The following ADCY2 variants were observed in gnomAD, a reference collection of about 807,000 sequenced individuals.
ADCY2 encodes adenylate cyclase 2.
Under a neutral mutation model 125.2 loss-of-function variants are expected in ADCY2, and 31 were observed. That is an observed-to-expected ratio of 0.25 (90% CI 0.19 to 0.33). The LOEUF is 0.33. Ranked by LOEUF, ADCY2 falls within the 10% of genes least tolerant of loss-of-function variation. The probability of loss-of-function intolerance (pLI) is 1.00; values close to 1 mark genes in which losing one functional copy is unlikely to be tolerated. For missense variants in ADCY2, 904 were observed against 1,418.2 expected (o/e 0.64, Z 5.82); for synonymous variants, 512 against 548.4 (o/e 0.93, Z 0.93).
chr5:7,609,284 C>T (rs1004360391), intron 3 of ADCY2, among the ~76,000 whole-genome samples: 6 of 152,114 alleles, frequency 3.9e-5, no homozygotes, highest in African/African-American at 1.2e-4. Context: ...ATAGGAGAGG[C>T]GGAAAAGTAG....
chr5:7,500,551 C>T (rs749761163), intron 2 of ADCY2, among the ~76,000 whole-genome samples: 22 of 152,156 alleles, frequency 1.4e-4, no homozygotes, highest in Non-Finnish European at 2.5e-4. Context: ...GGTAGTCTTT[C>T]TCCGTCAAGC....
chr5:7,574,526 T>C (rs557804145), intron 3 of ADCY2, among the ~76,000 whole-genome samples: 1 of 152,214 alleles, frequency 6.6e-6, no homozygotes, highest in Non-Finnish European at 1.5e-5. Flanking sequence ...CTGTCACACG[T>C]ACATATAAAT....
intron 14 of ADCY2, among the ~76,000 whole-genome samples, chr5:7,728,089 T>G (rs1207001865): frequency 6.6e-6 from 1 of 152,236 alleles, no homozygotes; most frequent in Non-Finnish European, 1.5e-5. Context: ...TAACCTATTT[T>G]GTTAAGGTCA....
At chr5:7,766,919 T>G in intron 17 of ADCY2, 113 bp downstream of exon 17, 1 of 1,325,558 alleles carries the variant, frequency 7.5e-7, no homozygotes. Context: ...TCCTCTCTGG[T>G]ATCAATCCCT....
intron 19 of ADCY2, 76 bp downstream of exon 19, chr5:7,784,525 T>C (rs1744025186): frequency 9.3e-7 from 1 of 1,072,872 alleles, no homozygotes; most frequent in Non-Finnish European, 1.4e-6. Context: ...CTGTGCATTG[T>C]AGTTAATCTT....
intron 10 of ADCY2, 72 bp from the exon 11 acceptor site, chr5:7,712,784 T>A: frequency 9.7e-7 from 1 of 1,030,652 alleles, no homozygotes; most frequent in South Asian, 1.3e-5. Flanking sequence ...GAAATATGTT[T>A]CACCTAATTA....
chr5:7,465,932 T>C (rs1194467164), intron 2 of ADCY2, among the ~76,000 whole-genome samples: 1 of 152,196 alleles, frequency 6.6e-6, no homozygotes, highest in Non-Finnish European at 1.5e-5. Flanking sequence ...ATCCTAGACA[T>C]CTAGACATTC....
chr5:7,752,624 T>G (rs1487469201), intron 15 of ADCY2, among the ~76,000 whole-genome samples: 1 of 151,934 alleles, frequency 6.6e-6, no homozygotes, highest in East Asian at 1.9e-4. Flanking sequence ...GAATTAATTT[T>G]AGAGTGAAAA....
Position 7,691,066 on chromosome 5 carries a change from G to A in ADCY2, c.869+227G>A, listed in dbSNP as rs567413274. The A allele has an allele frequency of 2.8e-3, 1,062 of 374,320 alleles. 4 individuals carry two copies. The highest frequency in any genetic ancestry group is 4.0e-3 in the Non-Finnish European group (885 of 219,250). The allele number at this position is 374,320 out of a possible 1,614,324, so 23.2% of individuals were successfully genotyped here. A position where few individuals can be genotyped will look rare whatever the true frequency, so the allele number is the denominator to read the frequency against. On this transcript the variant is annotated intron_variant, in intron 5 of 24. Coordinates refer to ENST00000338316, the MANE Select transcript of ADCY2 (RefSeq NM_020546.3). ...GCTGTTTGCTGTGTTGGATTGAGTT[G>A]TCCTTCATAGCCCTGGCTTCTGTAG...
intron 4 of ADCY2, among the ~76,000 whole-genome samples, chr5:7,673,270 AT>A (rs1261944536): frequency 4.2e-3 from 25 of 5,962 alleles, no homozygotes; most frequent in Non-Finnish European, 5.6e-3. Context: ...AAAAAAAAAA[AT>A]ATATATATAT....
intron 2 of ADCY2, among the ~76,000 whole-genome samples, chr5:7,479,580 GT>G (rs1408883214): frequency 6.6e-6 from 1 of 151,576 alleles, no homozygotes; most frequent in Admixed American, 6.6e-5. Context: ...TATCTTTTGT[GT>G]TACAAACAAT....
At chr5:7,655,881 C>T (rs964021454) in intron 4 of ADCY2, among the ~76,000 whole-genome samples, 1 of 152,126 alleles carries the variant, frequency 6.6e-6, no homozygotes, top group African/African-American at 2.4e-5. Context: ...CCAGAGTCTC[C>T]ACAGTCTGGG....
chr5:7,500,963 G>A (rs1743539247), intron 2 of ADCY2, among the ~76,000 whole-genome samples: 1 of 152,164 alleles, frequency 6.6e-6, no homozygotes, highest in Non-Finnish European at 1.5e-5. Context: ...AACAGGGAGA[G>A]CTGTGTCTCT....
At chr5:7,657,476 G>A (rs1336471695) in intron 4 of ADCY2, among the ~76,000 whole-genome samples, 1 of 152,182 alleles carries the variant, frequency 6.6e-6, no homozygotes, top group Non-Finnish European at 1.5e-5. Flanking sequence ...GACATGAAGT[G>A]ATGATCAGGG....
chr5:7,745,341 G>T (rs894769172), intron 15 of ADCY2, among the ~76,000 whole-genome samples: 2 of 152,140 alleles, frequency 1.3e-5, no homozygotes, highest in South Asian at 4.2e-4. Flanking sequence ...AACTTGTGTG[G>T]ATTTTGTTTA....
intron 2 of ADCY2, among the ~76,000 whole-genome samples, chr5:7,496,704 G>C (rs2126496592): frequency 6.6e-6 from 1 of 152,220 alleles, no homozygotes; most frequent in Middle Eastern, 3.4e-3. Flanking sequence ...TGATAAACGA[G>C]AGACTCAATT....
rs1211306212 is a variant in ADCY2, at chr5:7,446,531, G to GAAAT, written c.408+31767_408+31770dup. Reference sequence around the variant, plus strand: ...GGCCACAGAGCAAGACCTTGTCTCTGAAATAAATACATACATACATACATA... The same window carrying GAAAT: ...GGCCACAGAGCAAGACCTTGTCTCTGAAATAAATAAATACATACATACATACATA... On this transcript the variant is annotated intron_variant, in intron 2 of 24. Coordinates refer to ENST00000338316, the MANE Select transcript of ADCY2 (RefSeq NM_020546.3). Among the ~76,000 whole-genome samples the GAAAT allele has an allele frequency of 2.5e-4, 37 of 148,928 alleles. No homozygotes were observed. The South Asian group carries it at 2.5e-3, about 10-fold the overall frequency.
chr5:7,531,940 A>G (rs1360126395), intron 3 of ADCY2, among the ~76,000 whole-genome samples: 1 of 152,202 alleles, frequency 6.6e-6, no homozygotes, highest in Non-Finnish European at 1.5e-5. Flanking sequence ...TCCATGGGTT[A>G]TTGCAGACTG....
chr5:7,520,714 A>G (rs1331280597), intron 2 of ADCY2, 24 bp from the exon 3 acceptor site: 2 of 1,613,144 alleles, frequency 1.2e-6, no homozygotes, highest in Admixed American at 3.3e-5. Context: ...GGTGACTCTT[A>G]TTGTTCTTCT....
Sources: gnomAD v4.1 joint callset for allele counts (sites outside exome capture counted in the v4.1 genomes callset) on GRCh38, gnomAD v4.1.1 for gene constraint, MANE v1.5 for transcripts, NCBI Gene and HGNC (gene_info 2026-07-23, HGNC 2026-07-21) for gene names.